GFPT2: variants seen among roughly 807,000 people sequenced by gnomAD.
The protein encoded by GFPT2 is glutamine--fructose-6-phosphate aminotransferase [isomerizing] 2.
A neutral mutation model predicts 85.6 loss-of-function variants in GFPT2; 62 were observed. The ratio of observed to expected loss-of-function variants is 0.72; its 90% confidence interval spans 0.59 to 0.90. GFPT2 has a LOEUF of 0.90. Among genes scored for constraint, GFPT2 ranks in the 40% least tolerant of loss-of-function variants. The pLI, the probability that GFPT2 is intolerant of heterozygous loss-of-function variation, is 0.00. For missense variants in GFPT2, 788 were observed against 893.4 expected (o/e 0.88, Z 1.50); for synonymous variants, 368 against 344.5 (o/e 1.07, Z -0.75).
At chr5:180,301,669 A>C in intron 18 of GFPT2, 61 bp from the exon 19 acceptor site, 59 of 1,344,328 alleles carry the variant, frequency 4.4e-5, no homozygotes, top group Non-Finnish European at 5.8e-5. Context: ...GCTACCTCTC[A>C]CAGACAATTT....
intron 16 of GFPT2, among the ~76,000 whole-genome samples, chr5:180,306,434 A>G (rs1452160136): frequency 1.3e-5 from 2 of 152,196 alleles, no homozygotes; most frequent in Non-Finnish European, 2.9e-5. Flanking sequence ...TGCTCCGTGC[A>G]TGGCATGCTG....
At chr5:180,304,049 A>G (rs1763731993) in intron 17 of GFPT2, among the ~76,000 whole-genome samples, 1 of 152,092 alleles carries the variant, frequency 6.6e-6, no homozygotes, top group South Asian at 2.1e-4. Flanking sequence ...CATCCTGCCT[A>G]CTTAATAAAA....
Position 180,316,863 on chromosome 5 carries a change from T to C in GFPT2, c.1055-2A>G. 6.2e-7 allele frequency: 1 copy of C among 1,611,434 alleles called. No homozygotes were observed. The highest frequency in any genetic ancestry group is 8.5e-7 in the Non-Finnish European group (1 of 1,177,504). On this transcript the variant is annotated splice_acceptor_variant, in intron 11 of 18. Transcript: ENST00000253778. LOFTEE classifies it high-confidence loss of function. ...GGTCCTTCAAGCCACCCAGGAGCACTGCAGGGCACACGACAAGGCGTTAAT... is the reference window on the plus strand; with the variant it reads ...GGTCCTTCAAGCCACCCAGGAGCACCGCAGGGCACACGACAAGGCGTTAAT...
At chr5:180,312,006 AGGGGCAGG>A (rs1236147207) in intron 15 of GFPT2, among the ~76,000 whole-genome samples, 6 of 25,006 alleles carry the variant, frequency 2.4e-4, no homozygotes, top group African/African-American at 9.6e-4. Context: ...GGGGAGGCTG[AGGGGCAGG>A]GAGGCAGGGA....
chr5:180,316,428 G>A lies in GFPT2; in HGVS notation c.1186C>T (p.Pro396Ser), dbSNP rs1277485882. 2 of 1,613,938 alleles carry A rather than the reference G, an allele frequency of 1.2e-6. No individual in the cohort carries two copies. The highest frequency in any genetic ancestry group is 3.3e-5 in the Admixed American group (2 of 59,998). The change falls in exon 13 of 19, where the codon CCT becomes TCT. Residue 396 changes from proline (P) to serine (S), a missense_variant. Pro to Ser is a moderately conservative substitution (Grantham distance 74, BLOSUM62 -1). Transcript: ENST00000253778. ...RQVLEELTEL[P>S]VMVELASDFL... ...TCACTAGCAAGTTCAACCATCACAG[G>A]AAGCTCAGTCAGTTCCTCCAAAACT... is the stretch of plus-strand genomic sequence containing the variant.
At chr5:180,343,536 C>T (rs1012260320) in intron 1 of GFPT2, among the ~76,000 whole-genome samples, 4 of 152,402 alleles carry the variant, frequency 2.6e-5, no homozygotes, top group Admixed American at 6.5e-5. Flanking sequence ...AGCCCTCTTG[C>T]GTAGTGACAT....
intron 13 of GFPT2, among the ~76,000 whole-genome samples, chr5:180,315,268 C>T (rs574081765): frequency 6.6e-6 from 1 of 152,054 alleles, no homozygotes; most frequent in Admixed American, 6.6e-5. Context: ...AGCTCCGCCT[C>T]CCGGGTTCAC....
chr5:180,329,491 G>A (rs1474980528), intron 6 of GFPT2, among the ~76,000 whole-genome samples: 1 of 152,190 alleles, frequency 6.6e-6, no homozygotes, highest in Non-Finnish European at 1.5e-5. Flanking sequence ...TGGAAAAGAA[G>A]AAACAGCATG....
At chr5:180,347,727 A>G (rs1465106682) in intron 1 of GFPT2, among the ~76,000 whole-genome samples, 1 of 152,042 alleles carries the variant, frequency 6.6e-6, no homozygotes, top group African/African-American at 2.4e-5. Context: ...GCGCAGGGAG[A>G]TGATATTCCC....
chr5:180,349,947 C>T (rs1030595138), intron 1 of GFPT2, among the ~76,000 whole-genome samples: 1 of 151,466 alleles, frequency 6.6e-6, no homozygotes, highest in Non-Finnish European at 1.5e-5. Flanking sequence ...TTTACAAATT[C>T]GTGGATGGGA....
intron 2 of GFPT2, among the ~76,000 whole-genome samples, chr5:180,336,854 A>C (rs1311949853): frequency 6.6e-6 from 1 of 152,238 alleles, no homozygotes; most frequent in East Asian, 1.9e-4. Flanking sequence ...TCCCCGCTGC[A>C]GGCGCTCCCA....
Position 180,313,821 on chromosome 5 carries a change from C to A in GFPT2, c.1417G>T (p.Val473Leu), listed in dbSNP as rs767726394. Residue 473 changes from valine (V) to leucine (L), a missense_variant, in exon 14 of 19, where the codon GTG becomes TTG. Val to Leu is a conservative substitution (Grantham distance 32, BLOSUM62 1). Coordinates refer to ENST00000253778, the MANE Select transcript of GFPT2 (RefSeq NM_005110.4). The stretch of plus-strand genomic sequence containing the variant: ...GCTCCTCCTACCTTGGTGCTGGCCA[C>A]GCCGATCTCCGGCCCTGCGTTGATG... ...VHINAGPEIG[V>L]ASTKAYTSQF... 1.3e-6 allele frequency: 2 copies of A among 1,564,598 alleles called. No homozygotes were observed. The highest frequency in any genetic ancestry group is 1.7e-6 in the Non-Finnish European group (2 of 1,159,406).
At position 180,310,991 on chromosome 5, in the gene GFPT2, A is replaced by G. The variant is rs1475993134; in HGVS notation, c.1546+1439T>C. Among the ~76,000 whole-genome samples the G allele has an allele frequency of 2.0e-5, 3 of 152,190 alleles. 1 individual carries two copies. Among genetic ancestry groups the G allele is most frequent in the South Asian group, 4.1e-4 (2 of 4,830 alleles). The stretch of plus-strand genomic sequence containing the variant: ...ACGTCAGAATTGGGTCCTGTTTTGC[A>G]TGGTTATGACCTGGCTTAAAGGAAG... On this transcript the variant is annotated intron_variant, in intron 15 of 18. Transcript: ENST00000253778.
chr5:180,307,264 T>C lies in GFPT2; in HGVS notation c.1586A>G (p.His529Arg). 6.2e-7 allele frequency: 1 copy of C among 1,613,388 alleles called. No individual in the cohort carries two copies. The highest frequency in any genetic ancestry group is 8.5e-7 in the Non-Finnish European group (1 of 1,179,634). The change falls in exon 16 of 19, where the codon CAC (histidine) becomes CGC (arginine). Residue 529 changes from histidine to arginine, a missense_variant. Coordinates refer to ENST00000253778, the MANE Select transcript of GFPT2 (RefSeq NM_005110.4). Reference protein sequence around the residue: ...KEVLSLEEKIHDLALELYTQR... With the variant: ...KEVLSLEEKIRDLALELYTQR... Reference sequence around the variant, plus strand: ...CGTGTAGAGCTCCAGGGCCAAGTCGTGGATCTTCTCCTCCAGAGACAGCAC... The same window carrying C: ...CGTGTAGAGCTCCAGGGCCAAGTCGCGGATCTTCTCCTCCAGAGACAGCAC...
At chr5:180,315,595 G>A (rs942072869) in intron 13 of GFPT2, among the ~76,000 whole-genome samples, 1 of 152,232 alleles carries the variant, frequency 6.6e-6, no homozygotes, top group Non-Finnish European at 1.5e-5. Flanking sequence ...GGGTTAATAT[G>A]AGTGTGTCCG....
chr5:180,304,047 CT>C (rs1462424152), intron 17 of GFPT2, among the ~76,000 whole-genome samples: 1 of 152,106 alleles, frequency 6.6e-6, no homozygotes, highest in Admixed American at 6.5e-5. Context: ...TCCATCCTGC[CT>C]ACTTAATAAA....
Position 180,330,511 on chromosome 5 carries a change from T to C in GFPT2, c.534+189A>G, listed in dbSNP as rs1261088261. 1.3e-5 allele frequency among the ~76,000 whole-genome samples: 2 copies of C among 152,172 alleles called. No individual in the cohort carries two copies. The highest frequency in any genetic ancestry group is 2.9e-5 in the Non-Finnish European group (2 of 68,042). ...CCCAAACCACAGAACGTCTTCCAGTTCTACAAGAGTGTAACATCTTAAGGC... is the reference window on the plus strand; with the variant it reads ...CCCAAACCACAGAACGTCTTCCAGTCCTACAAGAGTGTAACATCTTAAGGC... On this transcript the variant is annotated intron_variant, in intron 6 of 18. Transcript: ENST00000253778. The surrounding 1 kb of genome is among the most constrained non-coding windows in gnomAD (Gnocchi z 4.4).
rs1036257178 is a variant in GFPT2, at chr5:180,344,840, T to C, written c.8-6240A>G. On this transcript the variant is annotated intron_variant, in intron 1 of 18. Transcript: ENST00000253778. ...TGGCTGGTCCCCTGTTCCACTCCCCTGGAAGAGCAACGGCCATAAGAGGGC... is the reference window on the plus strand; with the variant it reads ...TGGCTGGTCCCCTGTTCCACTCCCCCGGAAGAGCAACGGCCATAAGAGGGC... 1.6e-4 allele frequency among the ~76,000 whole-genome samples: 24 copies of C among 152,188 alleles called. 1 individual carries two copies. Among genetic ancestry groups the C allele is most frequent in the African/African-American group, 5.5e-4 (23 of 41,554 alleles).
chr5:180,328,638 C>A lies in GFPT2; in HGVS notation c.535-300G>T, dbSNP rs1764253346. Among the ~76,000 whole-genome samples, 1 of 152,350 alleles carries A rather than the reference C, an allele frequency of 6.6e-6. No homozygotes were observed. The highest frequency in any genetic ancestry group is 1.5e-5 in the Non-Finnish European group (1 of 68,028). ...GCTGGGTAGACGGGGCAGTGAGAGT[C>A]ACAGGAAATGATAGCTGGGACCAGG... On this transcript the variant is annotated intron_variant, in intron 6 of 18. Transcript: ENST00000253778. This position sits in a 1 kb window ranked among gnomAD's most constrained non-coding sequence, Gnocchi z 5.4.
Sources: allele counts gnomAD v4.1 joint callset (sites outside exome capture counted in the v4.1 genomes callset), GRCh38; gene constraint gnomAD v4.1.1; non-coding constraint Gnocchi (gnomAD v3.1); transcripts MANE v1.5; gene names NCBI Gene and HGNC (gene_info 2026-07-23, HGNC 2026-07-21).